The following MACROD2 variants were observed in gnomAD, a reference collection of about 807,000 sequenced individuals.
MACROD2 encodes the protein ADP-ribose glycohydrolase MACROD2.
MACROD2 carries 36 observed loss-of-function variants against 70.4 expected under a neutral mutation model. The ratio of observed to expected loss-of-function variants is 0.51; its 90% CI spans 0.39 to 0.68. MACROD2 has a LOEUF of 0.68. Ranked by LOEUF, MACROD2 falls within the 30% of genes least tolerant of loss-of-function variation. The pLI, the probability that MACROD2 is intolerant of heterozygous loss-of-function variation, is 0.00. For synonymous variants in MACROD2, 172 were observed against 178.8 expected (o/e 0.96, Z 0.30); for missense variants, 496 against 538.4 (o/e 0.92, Z 0.78).
At chr20:15,226,098 A>G (rs75792623) in intron 5 of MACROD2, among the ~76,000 whole-genome samples, 366 of 151,930 alleles carry the variant, frequency 2.4e-3, no homozygotes, top group African/African-American at 8.0e-3. Context: ...AGACGTGTAC[A>G]GAAGGAGATG....
intron 8 of MACROD2, among the ~76,000 whole-genome samples, chr20:15,858,081 A>C (rs1459219341): frequency 2.0e-5 from 3 of 149,520 alleles, no homozygotes; most frequent in African/African-American, 7.4e-5. Context: ...AAAAGAAGAC[A>C]CCTGAGTTTT....
chr20:14,164,498 C>T lies in MACROD2; in HGVS notation c.271+78770C>T, dbSNP rs556739142. Among the ~76,000 whole-genome samples the T allele has an allele frequency of 9.9e-5, 15 of 152,164 alleles. No homozygotes were observed. The East Asian group carries it at 1.4e-3, about 14-fold the overall frequency. On this transcript the variant is annotated intron_variant, in intron 3 of 17. Transcript: ENST00000684519. ...GTAGGCAGGTTCTCGGTCCCCTGGG[C>T]GGCTGGCATGGAGTGAGTGATGGCA...
At chr20:15,661,933 C>T (rs767694686) in intron 8 of MACROD2, among the ~76,000 whole-genome samples, 1 of 152,154 alleles carries the variant, frequency 6.6e-6, no homozygotes, top group Non-Finnish European at 1.5e-5. Context: ...AAGCCCTTTA[C>T]GATCTGGTCC....
chr20:14,095,719 A>G (rs549545230), intron 3 of MACROD2, among the ~76,000 whole-genome samples: 23 of 152,304 alleles, frequency 1.5e-4, no homozygotes, highest in Admixed American at 1.4e-3. Flanking sequence ...AGCATGTAGT[A>G]ATTATCATCT....
intron 7 of MACROD2, among the ~76,000 whole-genome samples, chr20:15,463,941 A>C (rs1360429008): frequency 6.6e-6 from 1 of 152,196 alleles, no homozygotes; most frequent in Non-Finnish European, 1.5e-5. Flanking sequence ...TTGATGATTG[A>C]AGTATCCTAG....
At chr20:14,448,628 A>G (rs1392964326) in intron 3 of MACROD2, among the ~76,000 whole-genome samples, 2 of 151,846 alleles carry the variant, frequency 1.3e-5, no homozygotes, top group African/African-American at 4.9e-5. Context: ...AGATCATGCC[A>G]CTGCACTCCA....
chr20:14,081,365 T>A (rs1331238597), intron 2 of MACROD2, among the ~76,000 whole-genome samples: 1 of 152,220 alleles, frequency 6.6e-6, no homozygotes, highest in Admixed American at 6.5e-5. Context: ...TTTCCCTTTA[T>A]TGTAATAGTT....
At chr20:15,826,761 A>T (rs1042915944) in intron 8 of MACROD2, among the ~76,000 whole-genome samples, 4 of 152,230 alleles carry the variant, frequency 2.6e-5, no homozygotes, top group Admixed American at 1.3e-4. Context: ...AAATATAAGT[A>T]ACAAAATAAT....
intron 3 of MACROD2, among the ~76,000 whole-genome samples, chr20:14,248,592 A>G (rs1251046108): frequency 6.6e-6 from 1 of 152,068 alleles, no homozygotes; most frequent in East Asian, 1.9e-4. Flanking sequence ...CAAAATAATA[A>G]TAATAATAAT....
chr20:15,134,541 C>T (rs2076131904), intron 5 of MACROD2, among the ~76,000 whole-genome samples: 1 of 152,012 alleles, frequency 6.6e-6, no homozygotes, highest in Admixed American at 6.5e-5. Flanking sequence ...CACAACATAC[C>T]AGAATCTCTG....
Position 14,534,499 on chromosome 20 carries a change from A to G in MACROD2, c.301+40991A>G, listed in dbSNP as rs549490413. Among the ~76,000 whole-genome samples the G allele has an allele frequency of 8.5e-5, 13 of 152,312 alleles. No individual in the cohort carries two copies. The South Asian group carries it at 1.2e-3, about 15-fold the overall frequency. ...GAAATTTTTTTCTACTTAATAATGT[A>G]TGTTATGTATAATTGGGATCAATGA... is the stretch of plus-strand genomic sequence containing the variant. On this transcript the variant is annotated intron_variant, in intron 4 of 17. Transcript: ENST00000684519.
At chr20:14,834,791 G>A (rs993813357) in intron 5 of MACROD2, among the ~76,000 whole-genome samples, 1 of 151,910 alleles carries the variant, frequency 6.6e-6, no homozygotes, top group African/African-American at 2.4e-5. Flanking sequence ...GTGATTCAAA[G>A]TGTGTTTTAA....
intron 12 of MACROD2, among the ~76,000 whole-genome samples, chr20:15,964,179 G>C (rs961436516): frequency 6.6e-6 from 1 of 152,182 alleles, no homozygotes; most frequent in Non-Finnish European, 1.5e-5. Flanking sequence ...GTAGTTTATA[G>C]AACTTACATG....
intron 5 of MACROD2, among the ~76,000 whole-genome samples, chr20:14,911,412 C>T (rs544178208): frequency 4.6e-5 from 7 of 152,040 alleles, no homozygotes; most frequent in Non-Finnish European, 7.4e-5. Context: ...GGGTCTTGCT[C>T]TGTTGCCCAG....
At chr20:14,966,425 A>G (rs535786810) in intron 5 of MACROD2, among the ~76,000 whole-genome samples, 19 of 152,256 alleles carry the variant, frequency 1.2e-4, no homozygotes, top group Admixed American at 3.9e-4. Context: ...AGAATAAAAA[A>G]GTCATTAAAG....
intron 6 of MACROD2, among the ~76,000 whole-genome samples, chr20:15,265,816 C>T (rs2077289582): frequency 6.6e-6 from 1 of 152,184 alleles, no homozygotes; most frequent in African/African-American, 2.4e-5. Flanking sequence ...TACCAGCTAT[C>T]ATTGTTCCAA....
intron 3 of MACROD2, among the ~76,000 whole-genome samples, chr20:14,398,193 A>G (rs1328533295): frequency 6.6e-6 from 1 of 152,198 alleles, no homozygotes; most frequent in Non-Finnish European, 1.5e-5. Context: ...TATTGTGAAT[A>G]GTGCTTCAAT....
chr20:14,591,065 A>G (rs887705272), intron 4 of MACROD2, among the ~76,000 whole-genome samples: 1 of 152,188 alleles, frequency 6.6e-6, no homozygotes, highest in Admixed American at 6.5e-5. Context: ...TATACAAATG[A>G]TATCCTTCAA....
At chr20:14,788,581 A>G (rs542823730) in intron 5 of MACROD2, among the ~76,000 whole-genome samples, 46 of 4,622 alleles carry the variant, frequency 1.0e-2, no homozygotes, top group African/African-American at 0.076. Context: ...ATCACATCTC[A>G]AAAAAAAAAA....
Sources: gnomAD v4.1 joint callset for allele counts (sites outside exome capture counted in the v4.1 genomes callset) on GRCh38, gnomAD v4.1.1 for gene constraint, MANE v1.5 for transcripts, NCBI Gene and HGNC (gene_info 2026-07-23, HGNC 2026-07-21) for gene names.